Variants in PUM3 observed in about 807,000 individuals in gnomAD.
PUM3 encodes pumilio homolog 3.
Under a neutral mutation model 84.0 loss-of-function variants are expected in PUM3, and 91 were observed. The ratio of observed to expected loss-of-function variants is 1.08; its 90% confidence interval spans 0.91 to 1.29. PUM3 has a LOEUF of 1.29. Ranked by LOEUF, PUM3 falls within the 50% of genes most tolerant of loss-of-function variation. The pLI is 0.00. For synonymous variants in PUM3, 321 were observed against 266.7 expected (o/e 1.20, Z -1.98); for missense variants, 1,067 against 767.5 (o/e 1.39, Z -4.61).
In PUM3 at chr9:2,837,698, T is replaced by C. The variant is rs1210053395; in HGVS notation, c.83-297A>G. ...TCAGTTTGGTATGTTTCTCTAGTTT[T>C]AAGCATATAGCAGAGCTATTATTTA... is the stretch of plus-strand genomic sequence containing the variant. On this transcript the variant is annotated intron_variant, in intron 2 of 17. Transcript: ENST00000397885. Among the ~76,000 whole-genome samples, 5 of 152,192 alleles carry C rather than the reference T, an allele frequency of 3.3e-5. No individual in the cohort carries two copies. In the East Asian group the frequency reaches 7.7e-4, roughly 23 times the overall value.
intron 8 of PUM3, 57 bp downstream of exon 8, chr9:2,829,717 T>C (rs922981390): frequency 1.4e-6 from 2 of 1,470,786 alleles, no homozygotes; most frequent in African/African-American, 1.4e-5. Flanking sequence ...CACCGGAAGT[T>C]AAGGAAGAGC....
intron 15 of PUM3, 121 bp from the exon 16 acceptor site, chr9:2,810,552 C>G (rs1821345761): frequency 1.5e-6 from 1 of 655,180 alleles, no homozygotes. Flanking sequence ...TTTTAAAGTT[C>G]CACAGGCTTA....
intron 1 of PUM3, among the ~76,000 whole-genome samples, chr9:2,843,647 T>C (rs10812784): frequency 0.45 from 66,542 of 146,964 alleles, 15,814 homozygotes; most frequent in South Asian, 0.59. Flanking sequence ...GGCACGATCT[T>C]GGCTCACTGC....
chr9:2,831,333 T>C lies in PUM3; in HGVS notation c.528A>G (p.Ala176=), dbSNP rs141271245. Residue 176 remains alanine, a synonymous_variant, in exon 6 of 18, where the codon GCA becomes GCG. Transcript: ENST00000397885. ...IQGKIKTIAF[A]HDSTRVIQCY... Reference sequence around the variant, plus strand: ...ACTGGATCACACGAGTTGAATCGTGTGCAAATGCAATCTGCAGGAAAAAGT... The same window carrying C: ...ACTGGATCACACGAGTTGAATCGTGCGCAAATGCAATCTGCAGGAAAAAGT... The C allele has an allele frequency of 4.5e-4, 715 of 1,604,074 alleles. 6 individuals carry two copies. In the African/African-American group the frequency reaches 8.5e-3, roughly 19 times the overall value.
intron 12 of PUM3, among the ~76,000 whole-genome samples, chr9:2,820,325 G>T (rs1299576125): frequency 6.6e-6 from 1 of 151,800 alleles, no homozygotes; most frequent in Non-Finnish European, 1.5e-5. Flanking sequence ...CTAGAGGTAA[G>T]GTTGATTTTT....
rs757022713 is a variant in PUM3 at position 2,831,324 on chromosome 9, T to C, written c.537A>G (p.Ser179=). 6.2e-7 allele frequency: 1 copy of C among 1,606,676 alleles called. No homozygotes were observed. The highest frequency in any genetic ancestry group is 1.1e-5 in the South Asian group (1 of 89,372). Residue 179 remains serine, a synonymous_variant, in exon 6 of 18, where the codon TCA becomes TCG. Transcript: ENST00000397885. The stretch of plus-strand genomic sequence containing the variant: ...GAATGTAACACTGGATCACACGAGT[T>C]GAATCGTGTGCAAATGCAATCTGCA... ...KIKTIAFAHD[S]TRVIQCYIQY... is the part of the protein sequence containing the mutation.
chr9:2,820,461 A>T (rs1675623376), intron 12 of PUM3, among the ~76,000 whole-genome samples: 1 of 152,072 alleles, frequency 6.6e-6, no homozygotes, highest in South Asian at 2.1e-4. Context: ...ACTTCAAAAA[A>T]CCTACATATA....
At chr9:2,821,742 T>A (rs1815645525) in intron 12 of PUM3, among the ~76,000 whole-genome samples, 1 of 152,142 alleles carries the variant, frequency 6.6e-6, no homozygotes, top group Non-Finnish European at 1.5e-5. Context: ...GCTGATCCAG[T>A]GATTCTAGTT....
chr9:2,840,858 G>A (rs1229068296), intron 1 of PUM3, among the ~76,000 whole-genome samples: 1 of 152,188 alleles, frequency 6.6e-6, no homozygotes, highest in Non-Finnish European at 1.5e-5. Flanking sequence ...TCCTTTCATT[G>A]AGAATGGTAT....
intron 17 of PUM3, 106 bp from the exon 18 acceptor site, chr9:2,804,569 T>A (rs1821223794): frequency 7.9e-6 from 8 of 1,013,524 alleles, no homozygotes; most frequent in Non-Finnish European, 1.1e-5. Flanking sequence ...ACAAGCCTTG[T>A]AACTATATAC....
chr9:2,811,324 T>G (rs764754317), intron 15 of PUM3, 37 bp downstream of exon 15: 1 of 1,600,230 alleles, frequency 6.2e-7, no homozygotes, highest in Non-Finnish European at 8.5e-7. Context: ...TTTGTGGCCT[T>G]TGCAGCTTTC....
chr9:2,813,656 G>C (rs1221873599), intron 13 of PUM3, among the ~76,000 whole-genome samples: 2 of 152,164 alleles, frequency 1.3e-5, no homozygotes, highest in East Asian at 3.8e-4. Flanking sequence ...ATTATGATGA[G>C]ATTAGTAATT....
In PUM3 at chr9:2,807,852, G is replaced by A. The variant is rs764557449; in HGVS notation, c.1776C>T (p.Ser592=). The A allele has an allele frequency of 2.5e-6, 4 of 1,613,656 alleles. No homozygotes were observed. The highest frequency in any genetic ancestry group is 2.2e-5 in the South Asian group (2 of 91,074). Residue 592 remains serine (S), a synonymous_variant, in exon 17 of 18, where the codon TCC becomes TCT. Transcript: ENST00000397885. The part of the protein sequence containing the change: ...VEHVGMKNLK[S]WASVNRGAII... ...TGGCACCTCGATTTACACTAGCCCA[G>A]GACTTCAGGTTCTTCATACCAACAT... is the stretch of plus-strand genomic sequence containing the variant.
Position 2,804,239 on chromosome 9 carries a change from C to T in PUM3, c.*92G>A. The T allele has an allele frequency of 1.6e-6, 2 of 1,250,050 alleles. No individual in the cohort carries two copies. Among genetic ancestry groups the T allele is most frequent in the Admixed American group, 2.2e-5 (1 of 45,260 alleles). 77.4% of individuals were successfully genotyped at this position (1,250,050 alleles called of 1,614,324 possible). On this transcript the variant is annotated 3_prime_UTR_variant, in exon 18 of 18. Transcript: ENST00000397885. ...CACATATACAGAGTACCCCAATTAC[C>T]AGTATGGTGGACCCTACCCCTTCTT... is the stretch of plus-strand genomic sequence containing the variant.
intron 13 of PUM3, among the ~76,000 whole-genome samples, chr9:2,813,914 A>T (rs1472533906): frequency 1.3e-5 from 2 of 152,186 alleles, no homozygotes; most frequent in Non-Finnish European, 2.9e-5. Flanking sequence ...TGATCATCTA[A>T]CGTAATCTTC....
chr9:2,811,732 AGT>A, intron 14 of PUM3, 149 bp from the exon 15 acceptor site: 1 of 630,572 alleles, frequency 1.6e-6, no homozygotes, highest in East Asian at 2.7e-5. Context: ...GTAGACAATA[AGT>A]GATACGAGTA....
intron 13 of PUM3, among the ~76,000 whole-genome samples, chr9:2,819,022 T>C (rs1821530712): frequency 6.6e-6 from 1 of 152,206 alleles, no homozygotes; most frequent in Non-Finnish European, 1.5e-5. Context: ...CACTAAGATT[T>C]CTCCAAGGGT....
chr9:2,835,182 G>C (rs916101167), intron 3 of PUM3, among the ~76,000 whole-genome samples: 18 of 152,192 alleles, frequency 1.2e-4, no homozygotes, highest in African/African-American at 4.3e-4. Context: ...GAAGGCTGAA[G>C]AAGAAGAATC....
chr9:2,839,913 T>G (rs1260526259), intron 1 of PUM3, among the ~76,000 whole-genome samples: 1 of 152,342 alleles, frequency 6.6e-6, no homozygotes, highest in South Asian at 2.1e-4. Flanking sequence ...TTTCCCCAGC[T>G]TCCCCTAATG....
Sources: gnomAD v4.1 joint callset for allele counts (sites outside exome capture counted in the v4.1 genomes callset) on GRCh38, gnomAD v4.1.1 for gene constraint, MANE v1.5 for transcripts, NCBI Gene and HGNC (gene_info 2026-07-23, HGNC 2026-07-21) for gene names.